The following HAUS6 variants were observed in gnomAD, a reference collection of about 807,000 sequenced individuals.
HAUS6 encodes the protein HAUS augmin like complex subunit 6, also known as HAUS augmin-like complex subunit 6.
A neutral mutation model predicts 106.8 loss-of-function variants in HAUS6; 80 were observed. The observed-to-expected ratio is 0.75, with a 90% CI of 0.63 to 0.90. HAUS6 has a LOEUF of 0.90. Among genes scored for constraint, HAUS6 ranks in the 40% least tolerant of loss-of-function variants. HAUS6 has a pLI of 0.00. For synonymous variants in HAUS6, 356 were observed against 379.1 expected (o/e 0.94, Z 0.71); for missense variants, 1,155 against 1,118.1 (o/e 1.03, Z -0.47).
intron 8 of HAUS6, among the ~76,000 whole-genome samples, chr9:19,082,256 A>G (rs1409234853): frequency 1.3e-5 from 2 of 152,242 alleles, no homozygotes; most frequent in African/African-American, 4.8e-5. Context: ...GACATTTGGC[A>G]ATTAGGAGAT....
In HAUS6 at chr9:19,054,101, G is replaced by C. The variant is rs745632382; in HGVS notation, c.*2242C>G. ...TGAGATTTTTTTCTGAGGCTTAAAAGAGAGCTGTAATTGTGGTAAACTAGT... is the reference window on the plus strand; with the variant it reads ...TGAGATTTTTTTCTGAGGCTTAAAACAGAGCTGTAATTGTGGTAAACTAGT... On this transcript the variant is annotated 3_prime_UTR_variant, in exon 17 of 17. Transcript: ENST00000380502. 1 of 152,156 alleles carries C rather than the reference G, an allele frequency of 6.6e-6. No homozygotes were observed. Among genetic ancestry groups the C allele is most frequent in the Admixed American group, 6.5e-5 (1 of 15,276 alleles). 9.4% of individuals were successfully genotyped at this position (152,156 alleles called of 1,614,324 possible).
Position 19,082,950 on chromosome 9 carries a change from A to G in HAUS6, c.793T>C (p.Tyr265His). ...VSSVLSLVNQ[Y>H]ALDGTNVAIN... ...GCAACATTAGTTCCATCTAAAGCATATTGGTTAACAAGACTAAGGACCGAA... is the reference window on the plus strand; with the variant it reads ...GCAACATTAGTTCCATCTAAAGCATGTTGGTTAACAAGACTAAGGACCGAA... Residue 265 changes from tyrosine to histidine, a missense_variant, in exon 8 of 17, where the codon TAT becomes CAT. By Grantham distance (83) the Tyr-to-His change is moderately conservative. Around this residue, in one of 3 missense-constraint regions of HAUS6, gnomAD observed 761 missense variants for 690.0 expected, o/e 1.10. Coordinates refer to ENST00000380502, the MANE Select transcript of HAUS6 (RefSeq NM_017645.5). The G allele has an allele frequency of 1.9e-6, 3 of 1,555,526 alleles. No homozygotes were observed. The highest frequency in any genetic ancestry group is 2.3e-5 in the South Asian group (2 of 86,104).
At chr9:19,084,083 T>A (rs894599752) in intron 7 of HAUS6, among the ~76,000 whole-genome samples, 4 of 143,122 alleles carry the variant, frequency 2.8e-5, no homozygotes, top group African/African-American at 1.0e-4. Context: ...ACTCATAGAA[T>A]GTCTATTTGT....
At chr9:19,076,836 CTA>C (rs1837018731) in intron 10 of HAUS6, 132 bp from the exon 11 acceptor site, 2 of 594,408 alleles carry the variant, frequency 3.4e-6, no homozygotes, top group Non-Finnish European at 6.0e-6. Flanking sequence ...TATCAGATAA[CTA>C]TTTTTATTTA....
At chr9:19,056,469 G>A (rs1407788472) in intron 16 of HAUS6, 65 bp from the exon 17 acceptor site, 1 of 871,634 alleles carries the variant, frequency 1.1e-6, no homozygotes, top group African/African-American at 1.7e-5. Context: ...TAGATTCCAA[G>A]CAATAGCAAA....
rs536853809 is a variant in HAUS6, at chr9:19,076,608, G to A, written c.1288C>T (p.Leu430Phe). Residue 430 changes from leucine (L) to phenylalanine (F), a missense_variant, in exon 11 of 17, where the codon CTT becomes TTT. By Grantham distance (22) the Leu-to-Phe change is conservative. Transcript: ENST00000380502. Reference protein sequence around the residue: ...KSILCQYPASLPDAHKQHNQE... With the variant: ...KSILCQYPASFPDAHKQHNQE... ...AAATAAATAAATAACCAACCTGGAA[G>A]TGAAGCAGGATACTGACAAAGAATA... 2.6e-5 allele frequency: 39 copies of A among 1,517,936 alleles called. No individual in the cohort carries two copies. The South Asian group carries it at 3.2e-4, about 13-fold the overall frequency. The allele number at this position is 1,517,936 out of a possible 1,614,324, so 94.0% of individuals were successfully genotyped here.
At chr9:19,056,979 A>C (rs1232020142) in intron 16 of HAUS6, 9 of 152,304 alleles carry the variant, frequency 5.9e-5, no homozygotes, top group African/African-American at 2.4e-5. Context: ...CCAGATCCTT[A>C]TCTCTCTTAA....
At chr9:19,096,619 T>C (rs1588629240) in intron 2 of HAUS6, 55 bp downstream of exon 2, 1 of 688,296 alleles carries the variant, frequency 1.5e-6, no homozygotes. Flanking sequence ...ATCAAAACGC[T>C]GTCCATTTTC....
At chr9:19,080,378 A>G in intron 9 of HAUS6, 101 bp downstream of exon 9, 1 of 719,404 alleles carries the variant, frequency 1.4e-6, no homozygotes, top group Non-Finnish European at 2.5e-6. Flanking sequence ...GAATTCTCAT[A>G]CTTGTTTGCC....
chr9:19,091,732 G>T (rs557248977), intron 4 of HAUS6, among the ~76,000 whole-genome samples: 1 of 152,212 alleles, frequency 6.6e-6, no homozygotes, highest in East Asian at 1.9e-4. Flanking sequence ...TGCGATCTTG[G>T]CTCACTGCAC....
rs1335196803 is a variant in HAUS6, at chr9:19,054,059, A to G, written c.*2284T>C. ...ACATGGATATAAAAAGCGTGGATTAAGACTTCAAGACGGAAGTGAGATTTT... is the reference window on the plus strand; with the variant it reads ...ACATGGATATAAAAAGCGTGGATTAGGACTTCAAGACGGAAGTGAGATTTT... On this transcript the variant is annotated 3_prime_UTR_variant, in exon 17 of 17. Coordinates refer to ENST00000380502, the MANE Select transcript of HAUS6 (RefSeq NM_017645.5). 1 of 152,222 alleles carries G rather than the reference A, an allele frequency of 6.6e-6. No individual in the cohort carries two copies. Among genetic ancestry groups the G allele is most frequent in the Non-Finnish European group, 1.5e-5 (1 of 68,032 alleles). 9.4% of individuals were successfully genotyped at this position (152,222 alleles called of 1,614,324 possible).
chr9:19,099,389 A>G (rs771477566), intron 1 of HAUS6, among the ~76,000 whole-genome samples: 3 of 152,052 alleles, frequency 2.0e-5, no homozygotes, highest in Non-Finnish European at 4.4e-5. Context: ...GATGGTCTCA[A>G]TTTCCTGACC....
chr9:19,081,891 C>A (rs1313092154), intron 8 of HAUS6, among the ~76,000 whole-genome samples: 1 of 151,660 alleles, frequency 6.6e-6, no homozygotes, highest in Non-Finnish European at 1.5e-5. Context: ...ATGGTGAAAC[C>A]CCGTCTCTAC....
At position 19,060,208 on chromosome 9, in the gene HAUS6, A is replaced by G. The variant is rs752314790; in HGVS notation, c.1645T>C (p.Leu549=). ...TCAGAGAGCTGTGGTGAATCAGATA[A>G]AACTGCTCTGGCAACCTAAAACAGA... ...HLVEEVARAV[L]SDSPQLSEGK... is the part of the protein sequence containing the mutation. Residue 549 remains leucine, a synonymous_variant, in exon 15 of 17, where the codon TTA becomes CTA. Transcript: ENST00000380502. The G allele has an allele frequency of 4.5e-6, 7 of 1,558,062 alleles. No individual in the cohort carries two copies. Among genetic ancestry groups the G allele is most frequent in the Non-Finnish European group, 6.0e-6 (7 of 1,157,538 alleles).
At chr9:19,060,432 T>G (rs1413423904) in intron 14 of HAUS6, among the ~76,000 whole-genome samples, 1 of 152,232 alleles carries the variant, frequency 6.6e-6, no homozygotes, top group African/African-American at 2.4e-5. Flanking sequence ...ACTGAAGTAT[T>G]TCCTCATCTT....
chr9:19,100,977 G>A (rs1052055314), intron 1 of HAUS6, among the ~76,000 whole-genome samples: 5 of 152,108 alleles, frequency 3.3e-5, no homozygotes, highest in African/African-American at 1.2e-4. Flanking sequence ...TGATTAATGG[G>A]TACAAATATA....
In HAUS6 at chr9:19,073,443, AGAGT is replaced by A. The variant is rs537092915; in HGVS notation, c.1295-3147_1295-3144del. Among the ~76,000 whole-genome samples, 13 of 152,096 alleles carry A rather than the reference AGAGT, an allele frequency of 8.5e-5. No individual in the cohort carries two copies. In the South Asian group the frequency reaches 2.7e-3, roughly 32 times the overall value. The stretch of plus-strand genomic sequence containing the variant: ...CTAGGAAAAAAAAAAAGGACTCCCA[AGAGT>A]ACAACTTCCAACTGGACTTCCTAAA... On this transcript the variant is annotated intron_variant, in intron 11 of 16. Transcript: ENST00000380502.
At chr9:19,101,027 C>T (rs1304779138) in intron 1 of HAUS6, among the ~76,000 whole-genome samples, 1 of 152,064 alleles carries the variant, frequency 6.6e-6, no homozygotes, top group Non-Finnish European at 1.5e-5. Context: ...TTCAATAGTA[C>T]ATAAGTGAAA....
chr9:19,064,508 T>C (rs1836716854), intron 12 of HAUS6, among the ~76,000 whole-genome samples: 1 of 152,184 alleles, frequency 6.6e-6, no homozygotes, highest in Admixed American at 6.5e-5. Flanking sequence ...TTCTAAAATC[T>C]TCAAAGAAAT....
Sources: gnomAD v4.1 joint callset for allele counts (sites outside exome capture counted in the v4.1 genomes callset) on GRCh38, gnomAD v4.1.1 for gene constraint, gnomAD v4.1.1 regional missense constraint, MANE v1.5 for transcripts, NCBI Gene and HGNC (gene_info 2026-07-23, HGNC 2026-07-21) for gene names.